GBE1: variants seen among roughly 807,000 people sequenced by gnomAD.
GBE1 encodes 1,4-alpha-glucan branching enzyme 1, also known as 1,4-alpha-glucan-branching enzyme.
Under a neutral mutation model 88.8 loss-of-function variants are expected in GBE1, and 70 were observed. That is an observed-to-expected ratio of 0.79 (90% CI 0.65 to 0.96). The LOEUF (loss-of-function observed/expected upper bound fraction) is 0.96. GBE1 is among the 40% of genes least tolerant of loss of function. The pLI is 0.00. For synonymous variants in GBE1, 284 were observed against 300.1 expected (o/e 0.95, Z 0.56); for missense variants, 872 against 871.0 (o/e 1.00, Z -0.01).
chr3:81,490,239 T>G lies in GBE1; in HGVS notation c.*168A>C. On this transcript the variant is annotated 3_prime_UTR_variant, in exon 16 of 16. Transcript: ENST00000429644. ...TTTTAAACATATTCTCCCATCTACT[T>G]AAATAAAAGTTTGCTGTATTTGCAT... 1 of 606,378 alleles carries G rather than the reference T, an allele frequency of 1.6e-6. No individual in the cohort carries two copies. The allele number at this position is 606,378 out of a possible 1,614,324, so 37.6% of individuals were successfully genotyped here. A position where few individuals can be genotyped will look rare whatever the true frequency, so the allele number is the denominator to read the frequency against.
At chr3:81,756,613 C>A (rs1706605517) in intron 1 of GBE1, among the ~76,000 whole-genome samples, 1 of 152,054 alleles carries the variant, frequency 6.6e-6, no homozygotes, top group African/African-American at 2.4e-5. Context: ...GATAGTGGTC[C>A]AAGGTGGCAG....
chr3:81,619,965 T>G (rs1315993835), intron 7 of GBE1, among the ~76,000 whole-genome samples: 1 of 151,970 alleles, frequency 6.6e-6, no homozygotes, highest in East Asian at 1.9e-4. Flanking sequence ...GTCATCACCA[T>G]TAAAAAACAT....
intron 2 of GBE1, among the ~76,000 whole-genome samples, chr3:81,689,337 A>C (rs1286665023): frequency 6.6e-6 from 1 of 152,190 alleles, no homozygotes; most frequent in African/African-American, 2.4e-5. Context: ...CAGGGACCCA[A>C]GTTTAGGAAA....
chr3:81,747,361 G>A (rs1479843834), intron 1 of GBE1, among the ~76,000 whole-genome samples: 1 of 152,188 alleles, frequency 6.6e-6, no homozygotes, highest in Non-Finnish European at 1.5e-5. Flanking sequence ...AAGGATTTAT[G>A]TGTAGAACAT....
intron 1 of GBE1, among the ~76,000 whole-genome samples, chr3:81,761,117 G>A (rs1213655953): frequency 3.3e-5 from 5 of 152,248 alleles, no homozygotes; most frequent in Admixed American, 1.3e-4. Context: ...GCGCAAGACC[G>A]CTGATTAGAA....
intron 14 of GBE1, among the ~76,000 whole-genome samples, chr3:81,522,357 G>A (rs1702886176): frequency 6.6e-6 from 1 of 151,458 alleles, no homozygotes; most frequent in South Asian, 2.1e-4. Flanking sequence ...CGAATAACAG[G>A]TGATTATTTG....
Position 81,702,100 on chromosome 3 carries a change from AGAGTGTGTGTGTGTGTGTGTGT to A in GBE1, c.313+3322_313+3343del, listed in dbSNP as rs1401953062. 3.1e-4 allele frequency among the ~76,000 whole-genome samples: 24 copies of A among 76,290 alleles called. 1 individual carries two copies. Among genetic ancestry groups the A allele is most frequent in the South Asian group, 2.3e-3 (5 of 2,210 alleles). The allele number at this position is 76,290 out of a possible 152,430, so 50.0% of individuals were successfully genotyped here. A position where few individuals can be genotyped will look rare whatever the true frequency, so the allele number is the denominator to read the frequency against. ...AATCCCTGGAGAGAGAGAGAGAGAG[AGAGTGTGTGTGTGTGTGTGTGT>A]GTGTGTGTGTGTGTGTGTGTGTGTG... is the stretch of plus-strand genomic sequence containing the variant. On this transcript the variant is annotated intron_variant, in intron 2 of 15. Transcript: ENST00000429644.
At position 81,643,075 on chromosome 3, in the gene GBE1, A is replaced by G. The variant is rs1421755380; in HGVS notation, c.783-85T>C. 7.1e-6 allele frequency: 6 copies of G among 850,886 alleles called. No homozygotes were observed. The Admixed American group carries it at 7.1e-5, about 10-fold the overall frequency. 52.7% of individuals were successfully genotyped at this position (850,886 alleles called of 1,614,324 possible). ...TGTGCAGCAATTGTTTCACCATCGCAGTACTAGATACTTTAAATATCCAAA... is the reference window on the plus strand; with the variant it reads ...TGTGCAGCAATTGTTTCACCATCGCGGTACTAGATACTTTAAATATCCAAA... On this transcript the variant is annotated intron_variant, in intron 6 of 15. Transcript: ENST00000429644.
chr3:81,695,263 T>C (rs1309628795), intron 2 of GBE1, among the ~76,000 whole-genome samples: 1 of 152,198 alleles, frequency 6.6e-6, no homozygotes, highest in Non-Finnish European at 1.5e-5. Flanking sequence ...GACCATCTAC[T>C]GAGGAATGAA....
chr3:81,705,611 T>C lies in GBE1; in HGVS notation c.146A>G (p.Tyr49Cys), dbSNP rs765887208. ...CTTCAAAATTTGGCTAAACTGCTTA[T>C]ACCTTTGAAGAAGTATGAAAGAAAA... ...KPYAVDFQRRYKQFSQILKNI... is the reference protein window; with the variant it reads ...KPYAVDFQRRCKQFSQILKNI... The change falls in exon 2 of 16, where the codon TAT becomes TGT. Residue 49 changes from tyrosine (Y) to cysteine (C), a missense_variant and splice_region_variant. Physicochemically the swap from Tyr to Cys is radical, Grantham distance 194. Coordinates refer to ENST00000429644, the MANE Select transcript of GBE1 (RefSeq NM_000158.4). 3.2e-6 allele frequency: 5 copies of C among 1,539,938 alleles called. No individual in the cohort carries two copies. In the South Asian group the frequency reaches 5.0e-5, roughly 15 times the overall value.
chr3:81,609,483 C>A (rs183221415), intron 7 of GBE1, among the ~76,000 whole-genome samples: 2 of 152,150 alleles, frequency 1.3e-5, no homozygotes, highest in East Asian at 3.9e-4. Flanking sequence ...GGAAAATATA[C>A]CAATGATTAC....
At chr3:81,711,066 G>T (rs1299227144) in intron 1 of GBE1, among the ~76,000 whole-genome samples, 3 of 152,154 alleles carry the variant, frequency 2.0e-5, no homozygotes, top group East Asian at 3.9e-4. Flanking sequence ...CTCCTGGAAG[G>T]CAGTTGGTTC....
chr3:81,721,232 T>TGCAATTGAATTGTCCATC (rs1706028533), intron 1 of GBE1, among the ~76,000 whole-genome samples: 1 of 101,244 alleles, frequency 9.9e-6, no homozygotes, highest in Non-Finnish European at 1.8e-5. Context: ...AATAAATAAA[T>TGCAATTGAATTGTCCATC]AAAAACACAT....
intron 10 of GBE1, among the ~76,000 whole-genome samples, chr3:81,584,263 CAACAAAAACATGAATA>C (rs1703768768): frequency 6.6e-6 from 1 of 151,916 alleles, no homozygotes; most frequent in African/African-American, 2.4e-5. Context: ...TGCTTTTGAA[CAACAAAAACATGAATA>C]AAATCTAGCA....
At position 81,631,968 on chromosome 3, in the gene GBE1, C is replaced by A. The variant is rs868414749; in HGVS notation, c.992+10813G>T. Among the ~76,000 whole-genome samples the A allele has an allele frequency of 2.6e-5, 4 of 152,120 alleles. No individual in the cohort carries two copies. In the East Asian group the frequency reaches 7.7e-4, roughly 29 times the overall value. On this transcript the variant is annotated intron_variant, in intron 7 of 15. Coordinates refer to ENST00000429644, the MANE Select transcript of GBE1 (RefSeq NM_000158.4). ...TGCTATCCCTCCCCTTGTCTCCCAC[C>A]CCCCAATAGGCCCTGGTGTGTGATG...
chr3:81,714,702 T>A (rs1705917828), intron 1 of GBE1, among the ~76,000 whole-genome samples: 1 of 152,238 alleles, frequency 6.6e-6, no homozygotes, highest in Admixed American at 6.5e-5. Flanking sequence ...TTGATCAGTT[T>A]GAACTGTTAT....
chr3:81,746,377 C>T lies in GBE1; in HGVS notation c.143+14998G>A, dbSNP rs186104788. Among the ~76,000 whole-genome samples the T allele has an allele frequency of 3.4e-4, 52 of 152,244 alleles. No individual in the cohort carries two copies. The South Asian group carries it at 0.01, about 30-fold the overall frequency. ...TCCCAGGCTCAAGCAATCCTCACAC[C>T]TCAGCCTCCCAAGTAGCTAGGACTA... On this transcript the variant is annotated intron_variant, in intron 1 of 15. Transcript: ENST00000429644.
chr3:81,703,099 T>C (rs1335990491), intron 2 of GBE1, among the ~76,000 whole-genome samples: 1 of 151,980 alleles, frequency 6.6e-6, no homozygotes, highest in Non-Finnish European at 1.5e-5. Flanking sequence ...CTCAATATCC[T>C]CAACCTCTGC....
intron 1 of GBE1, among the ~76,000 whole-genome samples, chr3:81,757,571 T>G (rs890480757): frequency 1.3e-5 from 2 of 152,102 alleles, no homozygotes; most frequent in African/African-American, 4.8e-5. Context: ...TACTTAAAAG[T>G]TAGGGGCTAC....
Sources: allele counts gnomAD v4.1 joint callset (sites outside exome capture counted in the v4.1 genomes callset), GRCh38; gene constraint gnomAD v4.1.1; transcripts MANE v1.5; gene names NCBI Gene and HGNC (gene_info 2026-07-23, HGNC 2026-07-21).